Variants in ADH7 observed in about 807,000 individuals in gnomAD.
ADH7 encodes the protein alcohol dehydrogenase 7 (class IV), mu or sigma polypeptide, also known as all-trans-retinol dehydrogenase [NAD(+)] ADH7.
In ADH7, 41 loss-of-function variants were observed where a neutral mutation model predicts 34.4. The observed-to-expected ratio is 1.19, with a 90% confidence interval of 0.93 to 1.55. The LOEUF is 1.55. Among genes scored for constraint, ADH7 ranks in the 40% most tolerant of loss-of-function variants. The pLI is 0.00. For missense variants in ADH7, 540 were observed against 461.2 expected, an observed-to-expected ratio of 1.17 and a Z score of -1.56; for synonymous variants, 180 against 160.9, an observed-to-expected ratio of 1.12 and a Z score of -0.90.
intron 8 of ADH7, 25 bp downstream of exon 8, chr4:99,415,446 GAAGAGAC>G (rs1262532481): frequency 6.9e-6 from 11 of 1,600,544 alleles, no homozygotes; most frequent in Non-Finnish European, 9.4e-6. Context: ...AGCCTGTGGA[GAAGAGAC>G]AAGATCATCA....
intron 5 of ADH7, among the ~76,000 whole-genome samples, chr4:99,425,240 C>T (rs1721772076): frequency 6.6e-6 from 1 of 152,030 alleles, no homozygotes; most frequent in Non-Finnish European, 1.5e-5. Flanking sequence ...GGACTAAATG[C>T]TCCAATTAAA....
At chr4:99,433,004 T>G (rs921941959) in intron 1 of ADH7, among the ~76,000 whole-genome samples, 2 of 152,100 alleles carry the variant, frequency 1.3e-5, no homozygotes, top group Non-Finnish European at 2.9e-5. Flanking sequence ...AATGAGAACT[T>G]AATGAGAATA....
intron 6 of ADH7, 34 bp downstream of exon 6, chr4:99,420,499 G>T: frequency 6.2e-7 from 1 of 1,600,598 alleles, no homozygotes; most frequent in South Asian, 1.1e-5. Flanking sequence ...TAATAACTTG[G>T]GTATTTTGTG....
rs1721588530 is a variant in ADH7, at chr4:99,419,090, T to C, written c.857A>G (p.Tyr286Cys). The change falls in exon 7 of 9, where the codon TAT becomes TGT. Residue 286 changes from tyrosine to cysteine, a missense_variant. Physicochemically the swap from Tyr to Cys is radical, Grantham distance 194. Coordinates refer to ENST00000437033, the MANE Select transcript of ADH7 (RefSeq NM_000673.7). ...AACTCCTACAACCACGCTGGTCCCA[T>C]AGTTCATGTGGCAGGATGCCAGGGC... is the stretch of plus-strand genomic sequence containing the variant. ...IDALASCHMNYGTSVVVGVPP... is the reference protein window; with the variant it reads ...IDALASCHMNCGTSVVVGVPP... The C allele has an allele frequency of 1.9e-6, 3 of 1,613,786 alleles. No homozygotes were observed. Among genetic ancestry groups the C allele is most frequent in the South Asian group, 2.2e-5 (2 of 91,086 alleles).
chr4:99,425,529 A>C (rs1350577037), intron 5 of ADH7, among the ~76,000 whole-genome samples: 1 of 152,198 alleles, frequency 6.6e-6, no homozygotes, highest in Non-Finnish European at 1.5e-5. Flanking sequence ...ATATATATGC[A>C]CCCAATACAG....
At chr4:99,418,906 T>C in intron 7 of ADH7, 80 bp downstream of exon 7, 1 of 1,534,344 alleles carries the variant, frequency 6.5e-7, no homozygotes. Context: ...AAGAAAGGCC[T>C]GAGGAAACAG....
chr4:99,415,335 G>C, intron 8 of ADH7, 143 bp downstream of exon 8: 2 of 898,370 alleles, frequency 2.2e-6, no homozygotes, highest in Non-Finnish European at 3.5e-6. Context: ...AATGCAGTGG[G>C]TAAAGAGAAG....
intron 1 of ADH7, among the ~76,000 whole-genome samples, chr4:99,431,822 A>G (rs544458837): frequency 1.4e-4 from 21 of 151,886 alleles, no homozygotes; most frequent in South Asian, 4.1e-4. Context: ...CAAAAAACAA[A>G]CTGGTGAGGT....
intron 5 of ADH7, among the ~76,000 whole-genome samples, chr4:99,425,764 C>T (rs1267561427): frequency 1.3e-5 from 2 of 152,114 alleles, no homozygotes; most frequent in Non-Finnish European, 2.9e-5. Context: ...TACATTTTTT[C>T]AGCACCACAC....
At chr4:99,423,872 C>T (rs1450077130) in intron 5 of ADH7, among the ~76,000 whole-genome samples, 1 of 152,024 alleles carries the variant, frequency 6.6e-6, no homozygotes, top group African/African-American at 2.4e-5. Context: ...TGCAGAAGCT[C>T]TTTAGTTTAA....
chr4:99,416,756 C>T (rs116153029), intron 7 of ADH7, among the ~76,000 whole-genome samples: 1 of 152,144 alleles, frequency 6.6e-6, no homozygotes, highest in African/African-American at 2.4e-5. Flanking sequence ...GTACTACAGA[C>T]TCATAGCCAA....
chr4:99,424,927 T>G (rs1721764028), intron 5 of ADH7, among the ~76,000 whole-genome samples: 1 of 152,032 alleles, frequency 6.6e-6, no homozygotes, highest in Admixed American at 6.6e-5. Flanking sequence ...ATAGGAGTGG[T>G]GAGAGAGGGT....
At chr4:99,419,556 T>C (rs1721600660) in intron 6 of ADH7, among the ~76,000 whole-genome samples, 1 of 152,168 alleles carries the variant, frequency 6.6e-6, no homozygotes, top group African/African-American at 2.4e-5. Flanking sequence ...TCCCTTTTCT[T>C]GGGAGCATTT....
intron 1 of ADH7, among the ~76,000 whole-genome samples, chr4:99,433,688 A>T (rs1721987455): frequency 6.6e-6 from 1 of 152,158 alleles, no homozygotes; most frequent in Admixed American, 6.6e-5. Flanking sequence ...AGGAAAAGGG[A>T]AGATCATGTG....
Position 99,413,128 on chromosome 4 carries a change from A to G in ADH7, c.*20T>C. 6.2e-7 allele frequency: 1 copy of G among 1,613,392 alleles called. No individual in the cohort carries two copies. The highest frequency in any genetic ancestry group is 1.1e-5 in the South Asian group (1 of 91,018). ...ACTCCAGTTCACCATGACAACACAG[A>G]CCTCCTGCCACTTTGGATCTCAAAA... On this transcript the variant is annotated 3_prime_UTR_variant, in exon 9 of 9. Transcript: ENST00000437033.
chr4:99,431,534 A>G (rs982154572), intron 1 of ADH7, among the ~76,000 whole-genome samples: 1 of 152,180 alleles, frequency 6.6e-6, no homozygotes, highest in Non-Finnish European at 1.5e-5. Context: ...TACACAGACA[A>G]CCTATAGAAG....
intron 6 of ADH7, 113 bp downstream of exon 6, chr4:99,420,420 A>G (rs1022113518): frequency 8.0e-7 from 1 of 1,243,166 alleles, no homozygotes; most frequent in African/African-American, 1.5e-5. Context: ...AAAACTGACT[A>G]TCGCAGAGAT....
At chr4:99,419,619 T>C (rs1180442264) in intron 6 of ADH7, among the ~76,000 whole-genome samples, 1 of 152,136 alleles carries the variant, frequency 6.6e-6, no homozygotes, top group Non-Finnish European at 1.5e-5. Flanking sequence ...TATTAAGCAA[T>C]AATTTAATAC....
intron 7 of ADH7, chr4:99,415,880 C>G: frequency 4.2e-6 from 1 of 237,532 alleles, no homozygotes; most frequent in Non-Finnish European, 8.3e-6. Flanking sequence ...GAACAAAAAA[C>G]CAAACACCGC....
Sources: allele counts gnomAD v4.1 joint callset (sites outside exome capture counted in the v4.1 genomes callset), GRCh38; gene constraint gnomAD v4.1.1; transcripts MANE v1.5; gene names NCBI Gene and HGNC (gene_info 2026-07-23, HGNC 2026-07-21).